The following ITPKB variants were observed in gnomAD, a reference collection of about 807,000 sequenced individuals.
ITPKB encodes the protein inositol-trisphosphate 3-kinase B, also known as IP3 3-kinase B.
Under a neutral mutation model 69.4 loss-of-function variants are expected in ITPKB, and 13 were observed. That is an observed-to-expected ratio of 0.19 (90% CI 0.12 to 0.30). The LOEUF (loss-of-function observed/expected upper bound fraction) is 0.30. Ranked by LOEUF, ITPKB falls within the 10% of genes least tolerant of loss-of-function variation. The probability of loss-of-function intolerance (pLI) is 1.00; values close to 1 mark genes in which losing one functional copy is unlikely to be tolerated. For synonymous variants in ITPKB, 584 were observed against 513.7 expected, an observed-to-expected ratio of 1.14 and a Z score of -1.85; for missense variants, 1,240 against 1,250.5, an observed-to-expected ratio of 0.99 and a Z score of 0.13.
At position 226,642,617 on chromosome 1, in the gene ITPKB, G is replaced by A. The variant is rs967501344; in HGVS notation, c.2247-492C>T. On this transcript the variant is annotated intron_variant, in intron 4 of 7. Coordinates refer to ENST00000429204, the MANE Select transcript of ITPKB (RefSeq NM_002221.4). The surrounding 1 kb of genome is among the most constrained non-coding windows in gnomAD (Gnocchi z 6.4). ...CAGGAACCAGCAGAAGAAGGAAGAC[G>A]GAGGCAGGGCAGCAGGGGGTGTCGG... Among the ~76,000 whole-genome samples the A allele has an allele frequency of 3.9e-5, 6 of 152,124 alleles. No individual in the cohort carries two copies. The highest frequency in any genetic ancestry group is 1.9e-4 in the East Asian group (1 of 5,160).
chr1:226,735,873 T>C lies in ITPKB; in HGVS notation c.1586A>G (p.Glu529Gly), dbSNP rs771396569. 1 of 1,608,710 alleles carries C rather than the reference T, an allele frequency of 6.2e-7. No individual in the cohort carries two copies. The highest frequency in any genetic ancestry group is 1.7e-5 in the Admixed American group (1 of 59,902). The part of the protein sequence containing the change: ...AWTRGTGVQS[E>G]GTWESQRQDS... ...CTGCCGCTGGCTTTCCCAAGTCCCC[T>C]CTGATTGCACCCCTGTGCCACGCGT... is the stretch of plus-strand genomic sequence containing the variant. Residue 529 changes from glutamate to glycine, a missense_variant, in exon 2 of 8, where the codon GAG becomes GGG. By Grantham distance (98) the Glu-to-Gly change is moderately conservative (BLOSUM62 -2). Around this residue, in one of 2 missense-constraint regions of ITPKB, gnomAD observed 992 missense variants for 853.8 expected, o/e 1.16. Transcript: ENST00000429204.
chr1:226,634,706 G>A lies in ITPKB; in HGVS notation c.2806C>T (p.Leu936=), dbSNP rs773574049. 6 of 928,490 alleles carry A rather than the reference G, an allele frequency of 6.5e-6. No individual in the cohort carries two copies. Among genetic ancestry groups the A allele is most frequent in the Non-Finnish European group, 7.2e-6 (4 of 553,614 alleles). The allele number at this position is 928,490 out of a possible 1,614,324, so 57.5% of individuals were successfully genotyped here. ...GGGGCATCCTGGGACATCTCGGTCA[G>A]GATGTCGACGAGGTTATTGAGCCCC... ...LSGLNNLVDI[L]TEMSQDAPLA is the part of the protein sequence containing the mutation. Residue 936 remains leucine (L), a synonymous_variant, in exon 8 of 8, where the codon CTG becomes TTG. Coordinates refer to ENST00000429204, the MANE Select transcript of ITPKB (RefSeq NM_002221.4). The surrounding 1 kb of genome is among the most constrained non-coding windows in gnomAD (Gnocchi z 6.3).
rs767646058 is a variant in ITPKB at position 226,642,049 on chromosome 1, C to T, written c.2323G>A (p.Glu775Lys). ...LRKDMYQKMI[E>K]VDPEAPTEEE... ...TCGGTGGGGGCCTCGGGGTCCACCT[C>T]GATCATCTTCTGGTACATGTCCTTC... The change falls in exon 5 of 8, where the codon GAG (glutamate) becomes AAG (lysine). Residue 775 changes from glutamate (E) to lysine (K), a missense_variant. This residue lies in a region of ITPKB where 248 missense variants were observed against 396.7 expected (regional missense o/e 0.63). Transcript: ENST00000429204. The surrounding 1 kb of genome is among the most constrained non-coding windows in gnomAD (Gnocchi z 6.4). 73 of 1,613,996 alleles carry T rather than the reference C, an allele frequency of 4.5e-5. No homozygotes were observed. Among genetic ancestry groups the T allele is most frequent in the Non-Finnish European group, 5.8e-5 (68 of 1,180,034 alleles).
At position 226,735,826 on chromosome 1, in the gene ITPKB, G is replaced by A; in HGVS notation, c.1633C>T (p.Pro545Ser). The A allele has an allele frequency of 6.2e-7, 1 of 1,608,644 alleles. No homozygotes were observed. Residue 545 changes from proline (P) to serine (S), a missense_variant, in exon 2 of 8, where the codon CCG (proline) becomes TCG (serine). This residue lies in a region of ITPKB where 992 missense variants were observed against 853.8 expected (regional missense o/e 1.16). Coordinates refer to ENST00000429204, the MANE Select transcript of ITPKB (RefSeq NM_002221.4). ...QRQDSDALPS[P>S]ELLPQDPDKP... ...TCCGGATCTTGGGGTAGCAGCTCCGGACTTGGGAGGGCATCACTGTCCTGC... is the reference window on the plus strand; with the variant it reads ...TCCGGATCTTGGGGTAGCAGCTCCGAACTTGGGAGGGCATCACTGTCCTGC...
Position 226,638,953 on chromosome 1 carries a change from C to T in ITPKB, c.2553+604G>A, listed in dbSNP as rs774362211. On this transcript the variant is annotated intron_variant, in intron 6 of 7. Coordinates refer to ENST00000429204, the MANE Select transcript of ITPKB (RefSeq NM_002221.4). The stretch of plus-strand genomic sequence containing the variant: ...CAAGCTTCCCCGCCTACCCGCCGCA[C>T]GCCAGGGACAAGCACATCGCCTTCT... 3.3e-5 allele frequency among the ~76,000 whole-genome samples: 5 copies of T among 151,854 alleles called. No homozygotes were observed. The East Asian group carries it at 5.8e-4, about 18-fold the overall frequency.
chr1:226,736,990 G>T lies in ITPKB; in HGVS notation c.469C>A (p.Gln157Lys). 6.2e-7 allele frequency: 1 copy of T among 1,612,670 alleles called. No individual in the cohort carries two copies. The change falls in exon 2 of 8, where the codon CAG (glutamine) becomes AAG (lysine). Residue 157 changes from glutamine (Q) to lysine (K), a missense_variant. Gln to Lys is a moderately conservative substitution (Grantham distance 53). Around this residue, in one of 2 missense-constraint regions of ITPKB, gnomAD observed 992 missense variants for 853.8 expected, o/e 1.16. Coordinates refer to ENST00000429204, the MANE Select transcript of ITPKB (RefSeq NM_002221.4). ...CGGGGCGCTTGAATGGCGGAGCTCT[G>T]TGCCTGGATGTGCGCCTCAAACATG... is the stretch of plus-strand genomic sequence containing the variant. ...VGMFEAHIQA[Q>K]SSAIQAPRSP...
Position 226,735,584 on chromosome 1 carries a change from G to C in ITPKB, c.1875C>G (p.Arg625=), listed in dbSNP as rs1195754518. Residue 625 remains arginine, a synonymous_variant, in exon 2 of 8, where the codon CGC becomes CGG. Transcript: ENST00000429204. Reference sequence around the variant, plus strand: ...GGAAGGCTGAGTTGGGGTCCAGGGTGCGCTCAGGGTCACTGGAGATGTCCT... The same window carrying C: ...GGAAGGCTGAGTTGGGGTCCAGGGTCCGCTCAGGGTCACTGGAGATGTCCT... ...SEEDISSDPE[R]TLDPNSAFLH... 3 of 1,582,924 alleles carry C rather than the reference G, an allele frequency of 1.9e-6. No individual in the cohort carries two copies. Among genetic ancestry groups the C allele is most frequent in the Non-Finnish European group, 2.6e-6 (3 of 1,165,106 alleles).
intron 2 of ITPKB, among the ~76,000 whole-genome samples, chr1:226,711,452 T>A (rs1168552160): frequency 4.6e-5 from 7 of 150,670 alleles, no homozygotes; most frequent in East Asian, 2.0e-4. Context: ...AGTGTGTGTG[T>A]GTGTGTGTGT....
rs534663523 is a variant in ITPKB at position 226,736,844 on chromosome 1, C to G, written c.615G>C (p.Trp205Cys). ...CTGAAGTCTCTGGACATTGCTCCCC[C>G]CAGGACTTTGTCCTCCGTTCCTCGC... ...ARSEERRTKS[W>C]GEQCPETSGT... Residue 205 changes from tryptophan (W) to cysteine (C), a missense_variant, in exon 2 of 8, where the codon TGG becomes TGC. Around this residue, in one of 2 missense-constraint regions of ITPKB, gnomAD observed 992 missense variants for 853.8 expected, o/e 1.16. Coordinates refer to ENST00000429204, the MANE Select transcript of ITPKB (RefSeq NM_002221.4). 2.2e-5 allele frequency: 36 copies of G among 1,612,500 alleles called. No individual in the cohort carries two copies. In the African/African-American group the frequency reaches 2.3e-4, roughly 10 times the overall value.
intron 2 of ITPKB, among the ~76,000 whole-genome samples, chr1:226,693,468 C>G (rs1656405465): frequency 6.6e-6 from 1 of 152,166 alleles, no homozygotes; most frequent in Non-Finnish European, 1.5e-5. Context: ...CTGCCTGTCC[C>G]CCTACTGACA....
At chr1:226,696,777 C>G (rs1656499602) in intron 2 of ITPKB, among the ~76,000 whole-genome samples, 1 of 152,180 alleles carries the variant, frequency 6.6e-6, no homozygotes, top group South Asian at 2.1e-4. Context: ...CTTACTAAGG[C>G]CTGAGAATCT....
At chr1:226,732,536 C>T (rs1482905272) in intron 2 of ITPKB, among the ~76,000 whole-genome samples, 2 of 149,166 alleles carry the variant, frequency 1.3e-5, no homozygotes, top group African/African-American at 5.0e-5. Flanking sequence ...CCGTGCCCAG[C>T]GTTCTTTTGT....
At chr1:226,636,813 A>G (rs1668849687) in intron 7 of ITPKB, among the ~76,000 whole-genome samples, 1 of 148,128 alleles carries the variant, frequency 6.8e-6, no homozygotes, top group Non-Finnish European at 1.5e-5. Flanking sequence ...AAAGGCATGC[A>G]TGTTTGTGTA....
chr1:226,710,957 G>C (rs955638222), intron 2 of ITPKB, among the ~76,000 whole-genome samples: 1 of 152,202 alleles, frequency 6.6e-6, no homozygotes, highest in Non-Finnish European at 1.5e-5. Flanking sequence ...AGAATTTCAA[G>C]GCAGCAATGG....
At chr1:226,708,617 G>A (rs1656869553) in intron 2 of ITPKB, among the ~76,000 whole-genome samples, 1 of 152,172 alleles carries the variant, frequency 6.6e-6, no homozygotes, top group South Asian at 2.1e-4. Flanking sequence ...AGGCCCTGTA[G>A]CACCCATCTG....
intron 2 of ITPKB, among the ~76,000 whole-genome samples, chr1:226,693,750 G>A (rs1656413070): frequency 6.6e-6 from 1 of 152,168 alleles, no homozygotes; most frequent in African/African-American, 2.4e-5. Context: ...TGAATTAAAG[G>A]CCTGTGCTGA....
At chr1:226,681,782 C>T (rs1311054607) in intron 2 of ITPKB, among the ~76,000 whole-genome samples, 1 of 152,160 alleles carries the variant, frequency 6.6e-6, no homozygotes, top group East Asian at 1.9e-4. Context: ...TTTTTGGCAA[C>T]CCTGCAAAAC....
At chr1:226,722,743 G>A (rs1188163782) in intron 2 of ITPKB, among the ~76,000 whole-genome samples, 1 of 152,194 alleles carries the variant, frequency 6.6e-6, no homozygotes, top group Non-Finnish European at 1.5e-5. Context: ...ACTGGGGCTT[G>A]GGGAGGTGTT....
chr1:226,668,940 C>A (rs941738838), intron 2 of ITPKB: 1 of 152,168 alleles, frequency 6.6e-6, no homozygotes, highest in Non-Finnish European at 1.5e-5. Flanking sequence ...TAAGCATTAG[C>A]GTCATTAAAT....
Sources: allele counts gnomAD v4.1 joint callset (sites outside exome capture counted in the v4.1 genomes callset), GRCh38; gene constraint gnomAD v4.1.1; regional missense constraint gnomAD v4.1.1; non-coding constraint Gnocchi (gnomAD v3.1); transcripts MANE v1.5; gene names NCBI Gene and HGNC (gene_info 2026-07-23, HGNC 2026-07-21).